The following TTC28 variants were observed in gnomAD, a reference collection of about 807,000 sequenced individuals.
TTC28 encodes tetratricopeptide repeat domain 28, also known as tetratricopeptide repeat protein 28.
A neutral mutation model predicts 198.0 loss-of-function variants in TTC28; 61 were observed. That is an observed-to-expected ratio of 0.31 (90% CI 0.25 to 0.38). The LOEUF (loss-of-function observed/expected upper bound fraction) is 0.38. Among genes scored for constraint, TTC28 ranks in the 10% least tolerant of loss-of-function variants. The pLI, the probability that TTC28 is intolerant of heterozygous loss-of-function variation, is 1.00. For missense variants in TTC28, 2,678 were observed against 3,164.0 expected (o/e 0.85, Z 3.69); for synonymous variants, 1,171 against 1,297.8 (o/e 0.90, Z 2.10).
intron 5 of TTC28, among the ~76,000 whole-genome samples, chr22:28,184,279 CAT>C (rs1923978358): frequency 6.6e-6 from 1 of 152,098 alleles, no homozygotes; most frequent in South Asian, 2.1e-4. Context: ...ATTTTAAAGT[CAT>C]ATATTTATAT....
intron 12 of TTC28, among the ~76,000 whole-genome samples, chr22:28,087,014 A>G (rs1941630754): frequency 6.6e-6 from 1 of 152,212 alleles, no homozygotes; most frequent in South Asian, 2.1e-4. Context: ...TTGTAGCAAT[A>G]ATCAATAGCT....
chr22:28,078,454 T>C (rs1466105808), intron 12 of TTC28, among the ~76,000 whole-genome samples: 1 of 152,076 alleles, frequency 6.6e-6, no homozygotes, highest in Admixed American at 6.6e-5. Flanking sequence ...GGACACAGCA[T>C]CTACCCTCTA....
rs985674170 is a variant in TTC28, at chr22:28,096,303, G to A, written c.3653C>T (p.Ser1218Phe). 19 of 1,551,996 alleles carry A rather than the reference G, an allele frequency of 1.2e-5. No individual in the cohort carries two copies. In the Admixed American group the frequency reaches 3.7e-4, roughly 30 times the overall value. Residue 1218 changes from serine (S) to phenylalanine (F), a missense_variant, in exon 11 of 23, where the codon TCC becomes TTC. Around this residue, in one of 8 missense-constraint regions of TTC28, gnomAD observed 727 missense variants for 861.9 expected, o/e 0.84. Coordinates refer to ENST00000397906, the MANE Select transcript of TTC28 (RefSeq NM_001145418.2). Reference sequence around the variant, plus strand: ...TAAGATCTGATCAATAGTGACTGGGGAGTAGGGGTCGGAGTCTTGTTGTCC... The same window carrying A: ...TAAGATCTGATCAATAGTGACTGGGAAGTAGGGGTCGGAGTCTTGTTGTCC... Reference protein sequence around the residue: ...QTGQQDSDPYSPVTIDQILEM... With the variant: ...QTGQQDSDPYFPVTIDQILEM...
chr22:28,494,929 GA>G (rs1398161798), intron 2 of TTC28, among the ~76,000 whole-genome samples: 3 of 151,314 alleles, frequency 2.0e-5, no homozygotes, highest in Non-Finnish European at 1.5e-5. Context: ...GGATACTAAG[GA>G]AAAAAGGAAC....
chr22:28,035,714 G>C (rs1306507219), intron 12 of TTC28, among the ~76,000 whole-genome samples: 1 of 152,168 alleles, frequency 6.6e-6, no homozygotes, highest in Non-Finnish European at 1.5e-5. Context: ...AGATTTCTGA[G>C]ACCTTTGAAA....
intron 2 of TTC28, among the ~76,000 whole-genome samples, chr22:28,493,918 T>C (rs189116563): frequency 6.6e-6 from 1 of 152,230 alleles, no homozygotes; most frequent in African/African-American, 2.4e-5. Flanking sequence ...GAGAAAGATA[T>C]TATAAAATTT....
intron 2 of TTC28, among the ~76,000 whole-genome samples, chr22:28,592,573 T>A (rs1390237829): frequency 1.3e-5 from 2 of 152,160 alleles, no homozygotes; most frequent in African/African-American, 4.8e-5. Flanking sequence ...CGTCACAAGA[T>A]ATCTCTGCTC....
At chr22:28,561,820 T>A (rs1043348643) in intron 2 of TTC28, among the ~76,000 whole-genome samples, 4 of 152,226 alleles carry the variant, frequency 2.6e-5, no homozygotes, top group African/African-American at 4.8e-5. Flanking sequence ...GGCTTTTTTT[T>A]AAATCATTCA....
At position 28,068,862 on chromosome 22, in the gene TTC28, C is replaced by T. The variant is rs143459581; in HGVS notation, c.3932+25218G>A. Among the ~76,000 whole-genome samples, 759 of 152,248 alleles carry T rather than the reference C, an allele frequency of 5.0e-3. 8 individuals are homozygous for T. Among genetic ancestry groups the T allele is most frequent in the Non-Finnish European group, 6.9e-3 (470 of 68,022 alleles). On this transcript the variant is annotated intron_variant, in intron 12 of 22. Transcript: ENST00000397906. ...AAGCCAAAGGACTTCTATTTCTCAA[C>T]GAGAAATCATTTCCCTTGCTCTCAA...
intron 2 of TTC28, among the ~76,000 whole-genome samples, chr22:28,514,732 G>T (rs570614502): frequency 1.3e-5 from 2 of 152,226 alleles, no homozygotes; most frequent in South Asian, 4.1e-4. Context: ...AATACATATG[G>T]TATGCATTCA....
intron 12 of TTC28, among the ~76,000 whole-genome samples, chr22:28,075,753 C>T (rs1941146216): frequency 6.6e-6 from 1 of 152,224 alleles, no homozygotes; most frequent in Admixed American, 6.5e-5. Flanking sequence ...TCTCCCCTCA[C>T]CCTTTAGGGC....
intron 2 of TTC28, among the ~76,000 whole-genome samples, chr22:28,477,798 A>G (rs1056705270): frequency 2.6e-5 from 4 of 152,204 alleles, no homozygotes; most frequent in African/African-American, 9.6e-5. Context: ...GCCCTCTCGT[A>G]CAACTGGTCT....
Position 28,490,680 on chromosome 22 carries a change from T to C in TTC28, c.381+138872A>G, listed in dbSNP as rs191093426. Among the ~76,000 whole-genome samples the C allele has an allele frequency of 3.7e-3, 559 of 152,298 alleles. 4 individuals are homozygous for C. Among genetic ancestry groups the C allele is most frequent in the Non-Finnish European group, 6.2e-3 (420 of 68,020 alleles). ...TAATAATTCCACTGCTAGACTTTAATAGAGGACCACAAGATGGTCTCAAAG... is the reference window on the plus strand; with the variant it reads ...TAATAATTCCACTGCTAGACTTTAACAGAGGACCACAAGATGGTCTCAAAG... On this transcript the variant is annotated intron_variant, in intron 2 of 22. Transcript: ENST00000397906.
intron 2 of TTC28, among the ~76,000 whole-genome samples, chr22:28,365,352 T>C (rs1601694463): frequency 1.3e-5 from 2 of 152,338 alleles, no homozygotes; most frequent in East Asian, 3.9e-4. Flanking sequence ...ATTTGCTTTA[T>C]TGCAACAGTC....
At chr22:28,671,364 G>A (rs1056953021) in intron 1 of TTC28, among the ~76,000 whole-genome samples, 19 of 152,018 alleles carry the variant, frequency 1.2e-4, no homozygotes, top group Middle Eastern at 3.4e-3. Flanking sequence ...GGCCGGGCGC[G>A]GTGGCTCACG....
At chr22:28,152,781 G>A (rs1035485446) in intron 6 of TTC28, among the ~76,000 whole-genome samples, 1 of 151,998 alleles carries the variant, frequency 6.6e-6, no homozygotes, top group African/African-American at 2.4e-5. Flanking sequence ...ATAAAGCTAG[G>A]CCTCTTTCCG....
At chr22:28,346,802 G>C (rs1223018796) in intron 2 of TTC28, among the ~76,000 whole-genome samples, 1 of 152,192 alleles carries the variant, frequency 6.6e-6, no homozygotes, top group East Asian at 1.9e-4. Context: ...CTGGGAGATA[G>C]GGTAGGAAGT....
At chr22:28,295,076 C>T (rs1477996396) in intron 5 of TTC28, among the ~76,000 whole-genome samples, 4 of 152,058 alleles carry the variant, frequency 2.6e-5, no homozygotes. Flanking sequence ...GTTATTTGGG[C>T]AATAAGAAAA....
intron 2 of TTC28, among the ~76,000 whole-genome samples, chr22:28,474,543 C>T (rs2048137112): frequency 6.6e-6 from 1 of 152,166 alleles, no homozygotes; most frequent in Admixed American, 6.5e-5. Flanking sequence ...TAATGAAAAA[C>T]ATGTAGATGA....
Sources: gnomAD v4.1 joint callset for allele counts (sites outside exome capture counted in the v4.1 genomes callset) on GRCh38, gnomAD v4.1.1 for gene constraint, gnomAD v4.1.1 regional missense constraint, MANE v1.5 for transcripts, NCBI Gene and HGNC (gene_info 2026-07-23, HGNC 2026-07-21) for gene names.